Variants in ORC6 observed in about 807,000 individuals in gnomAD.
The protein encoded by ORC6 is origin recognition complex subunit 6.
A neutral mutation model predicts 30.0 loss-of-function variants in ORC6; 31 were observed. The observed-to-expected ratio is 1.03, with a 90% confidence interval of 0.78 to 1.40. ORC6 has a LOEUF of 1.40. ORC6 is among the 40% of genes most tolerant of loss of function. The probability of loss-of-function intolerance (pLI) is 0.00; values close to 1 mark genes in which losing one functional copy is unlikely to be tolerated. For missense variants in ORC6, 340 were observed against 304.3 expected, an observed-to-expected ratio of 1.12 and a Z score of -0.87; for synonymous variants, 136 against 111.2, an observed-to-expected ratio of 1.22 and a Z score of -1.40.
At chr16:46,697,051 T>C (rs984302502) in intron 6 of ORC6, among the ~76,000 whole-genome samples, 6 of 152,174 alleles carry the variant, frequency 3.9e-5, no homozygotes, top group Admixed American at 3.9e-4. Flanking sequence ...CGGAGTGTAG[T>C]AGGGGTTAAA....
In ORC6 at chr16:46,697,511, A is replaced by G. The variant is rs746596506; in HGVS notation, c.685A>G (p.Thr229Ala). 1.9e-6 allele frequency: 3 copies of G among 1,613,534 alleles called. No individual in the cohort carries two copies. The Admixed American group carries it at 5.0e-5, about 27-fold the overall frequency. ...PHKPQKDEDL[T>A]QDYEEWKRKI... The stretch of plus-strand genomic sequence containing the variant: ...TAAACCACAGAAAGATGAAGATCTG[A>G]CACAGGATTATGAAGAATGGAAAAG... Residue 229 changes from threonine (T) to alanine (A), a missense_variant, in exon 7 of 7, where the codon ACA becomes GCA. Transcript: ENST00000219097.
In ORC6 at chr16:46,689,698, C is replaced by T. The variant is rs368231717; in HGVS notation, c.-8C>T. 3.8e-6 allele frequency: 6 copies of T among 1,598,210 alleles called. No homozygotes were observed. Among genetic ancestry groups the T allele is most frequent in the Non-Finnish European group, 5.1e-6 (6 of 1,172,276 alleles). ...TTCACGGGAATTGTTCGCTTTAGTGCCGGCGCCATGGGGTCGGAGCTGATC... is the reference window on the plus strand; with the variant it reads ...TTCACGGGAATTGTTCGCTTTAGTGTCGGCGCCATGGGGTCGGAGCTGATC... On this transcript the variant is annotated 5_prime_UTR_variant, in exon 1 of 7. Coordinates refer to ENST00000219097, the MANE Select transcript of ORC6 (RefSeq NM_014321.4).
chr16:46,691,333 C>A (rs1966435376), intron 2 of ORC6, among the ~76,000 whole-genome samples: 1 of 152,256 alleles, frequency 6.6e-6, no homozygotes, highest in Non-Finnish European at 1.5e-5. Flanking sequence ...CTGACCACCT[C>A]TTTCTCGGCT....
chr16:46,691,541 G>T (rs1966437146), intron 2 of ORC6, among the ~76,000 whole-genome samples: 1 of 152,176 alleles, frequency 6.6e-6, no homozygotes, highest in African/African-American at 2.4e-5. Flanking sequence ...ATAAAGTGAA[G>T]ATAAAATATC....
chr16:46,695,149 T>C (rs767530375), intron 4 of ORC6: 36 of 219,440 alleles, frequency 1.6e-4, no homozygotes, highest in Non-Finnish European at 2.6e-4. Context: ...TAATTAGTGG[T>C]TGCTGTGGAG....
In ORC6 at chr16:46,697,574, A is replaced by G. The variant is rs1207836365; in HGVS notation, c.748A>G (p.Thr250Ala). 8 of 1,614,034 alleles carry G rather than the reference A, an allele frequency of 5.0e-6. No individual in the cohort carries two copies. Among genetic ancestry groups the G allele is most frequent in the Non-Finnish European group, 6.8e-6 (8 of 1,179,958 alleles). Reference sequence around the variant, plus strand: ...AAATGCTGCCAGTGCTCAAAAGGCTACAGCAGAGTGATTTCAGCTTCCAAA... The same window carrying G: ...AAATGCTGCCAGTGCTCAAAAGGCTGCAGCAGAGTGATTTCAGCTTCCAAA... ...LENAASAQKA[T>A]AE Residue 250 changes from threonine to alanine, a missense_variant, in exon 7 of 7, where the codon ACA (threonine) becomes GCA (alanine). Physicochemically the swap from Thr to Ala is moderately conservative, Grantham distance 58. Coordinates refer to ENST00000219097, the MANE Select transcript of ORC6 (RefSeq NM_014321.4).
At chr16:46,695,801 GT>G in intron 5 of ORC6, 127 bp downstream of exon 5, 1 of 768,938 alleles carries the variant, frequency 1.3e-6, no homozygotes. Flanking sequence ...GACCAGGTAT[GT>G]TTTTATTGAT....
chr16:46,697,351 C>T, intron 6 of ORC6, 107 bp from the exon 7 acceptor site: 2 of 1,048,474 alleles, frequency 1.9e-6, no homozygotes, highest in Non-Finnish European at 2.8e-6. Context: ...TTCTCCATGT[C>T]ATTTCAGTAT....
At chr16:46,691,958 A>ACT (rs1555467330) in intron 2 of ORC6, among the ~76,000 whole-genome samples, 2 of 36,660 alleles carry the variant, frequency 5.5e-5, no homozygotes, top group African/African-American at 1.9e-4. Flanking sequence ...ACACACACAC[A>ACT]CTCTCTCTCT....
chr16:46,691,461 CAGG>C (rs1234302870), intron 2 of ORC6, among the ~76,000 whole-genome samples: 2 of 152,176 alleles, frequency 1.3e-5, no homozygotes, highest in Non-Finnish European at 2.9e-5. Context: ...TGGGGTCAGT[CAGG>C]AGGAGTTTCA....
intron 4 of ORC6, 134 bp from the exon 5 acceptor site, chr16:46,695,428 T>C (rs958087902): frequency 3.6e-5 from 24 of 671,394 alleles, no homozygotes; most frequent in Non-Finnish European, 6.1e-5. Context: ...TAATAACATG[T>C]TTGGAATGAA....
intron 1 of ORC6, among the ~76,000 whole-genome samples, chr16:46,690,267 G>A (rs913305181): frequency 1.3e-5 from 2 of 152,362 alleles, no homozygotes; most frequent in East Asian, 3.9e-4. Context: ...CCGGATTGAT[G>A]GCAGATGCTA....
At chr16:46,692,574 A>G in intron 3 of ORC6, 29 bp downstream of exon 3, 1 of 1,596,432 alleles carries the variant, frequency 6.3e-7, no homozygotes, top group East Asian at 2.2e-5. Flanking sequence ...CTTAATTGAA[A>G]ATGTATACCA....
At chr16:46,692,065 C>G in intron 2 of ORC6, among the ~76,000 whole-genome samples, 1 of 151,824 alleles carries the variant, frequency 6.6e-6, no homozygotes, top group Admixed American at 6.6e-5. Flanking sequence ...TGTATAAACA[C>G]AAGTAACCAT....
In ORC6 at chr16:46,695,467, G is replaced by C. The variant is rs542060231; in HGVS notation, c.450-95G>C. 34 of 766,530 alleles carry C rather than the reference G, an allele frequency of 4.4e-5. 2 individuals carry two copies. The South Asian group carries it at 5.1e-4, about 12-fold the overall frequency. 47.5% of individuals were successfully genotyped at this position (766,530 alleles called of 1,614,324 possible). ...AAAAAACTAGACAGAGGCTCTGGAA[G>C]CATGGTCAAAAAGAAAATAAGTTGA... On this transcript the variant is annotated intron_variant, in intron 4 of 6. Transcript: ENST00000219097.
chr16:46,693,290 C>A, intron 4 of ORC6, 108 bp downstream of exon 4: 2 of 746,478 alleles, frequency 2.7e-6, no homozygotes, highest in South Asian at 2.8e-5. Context: ...CATATTTTCC[C>A]CTAGAAATAA....
intron 1 of ORC6, 191 bp from the exon 2 acceptor site, chr16:46,690,800 A>C (rs1966427157): frequency 1.5e-6 from 1 of 667,854 alleles, no homozygotes; most frequent in African/African-American, 1.8e-5. Flanking sequence ...ATTTGAGCAC[A>C]GTGATGTTTG....
intron 1 of ORC6, chr16:46,690,745 AGG>A: frequency 3.7e-6 from 2 of 547,376 alleles, no homozygotes; most frequent in Non-Finnish European, 6.7e-6. Flanking sequence ...GGAGGAAAGA[AGG>A]GTAATTTTTT....
chr16:46,695,968 C>A, intron 5 of ORC6, 49 bp from the exon 6 acceptor site: 1 of 1,349,014 alleles, frequency 7.4e-7, no homozygotes, highest in Non-Finnish European at 1.1e-6. Context: ...TGCCCAAATA[C>A]TGAAATTGAG....
Sources: gnomAD v4.1 joint callset for allele counts (sites outside exome capture counted in the v4.1 genomes callset) on GRCh38, gnomAD v4.1.1 for gene constraint, MANE v1.5 for transcripts, NCBI Gene and HGNC (gene_info 2026-07-23, HGNC 2026-07-21) for gene names.